The following CMTM8 variants were observed in gnomAD, a reference collection of about 807,000 sequenced individuals.
CMTM8 encodes CKLF like MARVEL transmembrane domain containing 8.
In CMTM8, 12 loss-of-function variants were observed where a neutral mutation model predicts 18.6. The ratio of observed to expected loss-of-function variants is 0.65; its 90% CI spans 0.41 to 1.05. The LOEUF (loss-of-function observed/expected upper bound fraction) is 1.05. CMTM8 is among the 50% of genes least tolerant of loss of function. CMTM8 has a pLI of 0.00. For synonymous variants in CMTM8, 87 were observed against 90.6 expected (o/e 0.96, Z 0.23); for missense variants, 217 against 227.2 (o/e 0.95, Z 0.29).
chr3:32,252,667 T>C (rs1249825291), intron 1 of CMTM8, among the ~76,000 whole-genome samples: 1 of 152,260 alleles, frequency 6.6e-6, no homozygotes, highest in East Asian at 1.9e-4. Flanking sequence ...TTATTTGTGA[T>C]TTATAAGAAA....
intron 1 of CMTM8, among the ~76,000 whole-genome samples, chr3:32,290,823 G>A (rs1176043939): frequency 6.6e-6 from 1 of 152,228 alleles, no homozygotes; most frequent in Non-Finnish European, 1.5e-5. Context: ...TAAGCATCTG[G>A]TTAGACCAAG....
Position 32,253,930 on chromosome 3 carries a change from G to T in CMTM8, c.147+14811G>T, listed in dbSNP as rs186707976. Reference sequence around the variant, plus strand: ...GGGGGGAGGATGGAGTTTCACGCTTGTTGCCCAGGCTGGAGTGCAGTGGCA... The same window carrying T: ...GGGGGGAGGATGGAGTTTCACGCTTTTTGCCCAGGCTGGAGTGCAGTGGCA... On this transcript the variant is annotated intron_variant, in intron 1 of 3. Coordinates refer to ENST00000307526, the MANE Select transcript of CMTM8 (RefSeq NM_178868.5). Among the ~76,000 whole-genome samples, 946 of 151,790 alleles carry T rather than the reference G, an allele frequency of 6.2e-3. 5 individuals are homozygous for T. The highest frequency in any genetic ancestry group is 0.01 in the Middle Eastern group (3 of 290).
At chr3:32,270,674 A>T (rs190226852) in intron 1 of CMTM8, among the ~76,000 whole-genome samples, 1 of 152,288 alleles carries the variant, frequency 6.6e-6, no homozygotes, top group Non-Finnish European at 1.5e-5. Context: ...GAACAGTGAG[A>T]ACACTTGGAC....
chr3:32,290,704 T>G (rs1702765010), intron 1 of CMTM8, among the ~76,000 whole-genome samples: 1 of 152,236 alleles, frequency 6.6e-6, no homozygotes, highest in South Asian at 2.1e-4. Flanking sequence ...CAAGGGCTTC[T>G]GGGTGATTTC....
intron 1 of CMTM8, among the ~76,000 whole-genome samples, chr3:32,295,686 A>G (rs912140729): frequency 6.6e-6 from 1 of 152,018 alleles, no homozygotes; most frequent in Non-Finnish European, 1.5e-5. Context: ...AGAGCCTAGT[A>G]TGATGGAGGA....
chr3:32,319,072 A>ATTTTTTTTTTT (rs1559378745), intron 1 of CMTM8, among the ~76,000 whole-genome samples: 9 of 24,406 alleles, frequency 3.7e-4, no homozygotes, highest in African/African-American at 1.0e-3. Flanking sequence ...ATATATATAT[A>ATTTTTTTTTTT]TATTTTTTTT....
At chr3:32,304,437 T>C (rs780587905) in intron 1 of CMTM8, among the ~76,000 whole-genome samples, 68 of 152,360 alleles carry the variant, frequency 4.5e-4, no homozygotes, top group Admixed American at 4.6e-4. Flanking sequence ...AAAGGAAATG[T>C]ATTCCAGCAG....
Position 32,358,484 on chromosome 3 carries a change from A to T in CMTM8, c.321+938A>T, listed in dbSNP as rs1244609189. Among the ~76,000 whole-genome samples, 1 of 152,260 alleles carries T rather than the reference A, an allele frequency of 6.6e-6. No individual in the cohort carries two copies. The highest frequency in any genetic ancestry group is 1.5e-5 in the Non-Finnish European group (1 of 68,052). On this transcript the variant is annotated intron_variant, in intron 2 of 3. Coordinates refer to ENST00000307526, the MANE Select transcript of CMTM8 (RefSeq NM_178868.5). This position sits in a 1 kb window ranked among gnomAD's most constrained non-coding sequence, Gnocchi z 4.1. ...TCTGTTTTCAACCAATATGTGAGAA[A>T]AAATATTTAGTTCCAAATAACTGAC...
chr3:32,260,342 C>T (rs150284087), intron 1 of CMTM8: 163 of 556,500 alleles, frequency 2.9e-4, no homozygotes, highest in African/African-American at 2.1e-3. Context: ...ATGAACTATA[C>T]GTTAATATTT....
intron 1 of CMTM8, among the ~76,000 whole-genome samples, chr3:32,341,106 G>T (rs1696482504): frequency 1.3e-5 from 2 of 152,362 alleles, no homozygotes; most frequent in Non-Finnish European, 2.9e-5. Context: ...TCACCAAGAT[G>T]CCATGTGAAA....
chr3:32,239,146 G>C (rs760307403), intron 1 of CMTM8, 27 bp downstream of exon 1: 2 of 1,574,224 alleles, frequency 1.3e-6, no homozygotes, highest in Admixed American at 1.8e-5. Context: ...CGGGGGTGGC[G>C]GGGGGCTCAG....
At chr3:32,266,843 A>G (rs1702353715) in intron 1 of CMTM8, among the ~76,000 whole-genome samples, 1 of 152,244 alleles carries the variant, frequency 6.6e-6, no homozygotes, top group Non-Finnish European at 1.5e-5. Context: ...GTGAACTCCC[A>G]TTCATAATTG....
chr3:32,243,423 C>T (rs1158589056), intron 1 of CMTM8, among the ~76,000 whole-genome samples: 1 of 148,956 alleles, frequency 6.7e-6, no homozygotes, highest in Admixed American at 6.7e-5. Context: ...CTCAGCTACT[C>T]GGGAGGCTGA....
At chr3:32,275,407 A>C (rs1042254954) in intron 1 of CMTM8, among the ~76,000 whole-genome samples, 35 of 152,148 alleles carry the variant, frequency 2.3e-4, no homozygotes, top group Admixed American at 6.5e-5. Context: ...TGAAATATTT[A>C]ACATGTTAAA....
At chr3:32,238,319 C>T (rs1701891783), upstream of CMTM8, 1 of 152,396 alleles carries the variant, frequency 6.6e-6, no homozygotes, top group Admixed American at 6.5e-5. Context: ...TCCCTCCGCG[C>T]CGAGTCCTGG....
intron 1 of CMTM8, among the ~76,000 whole-genome samples, chr3:32,310,504 C>T (rs545817587): frequency 2.6e-5 from 4 of 152,200 alleles, no homozygotes; most frequent in African/African-American, 7.2e-5. Flanking sequence ...TAAACTAGGC[C>T]GGACTTAAAA....
chr3:32,327,581 A>G (rs997943036), intron 1 of CMTM8, among the ~76,000 whole-genome samples: 18 of 152,232 alleles, frequency 1.2e-4, no homozygotes, highest in African/African-American at 4.3e-4. Context: ...CTCAGTTGCA[A>G]AATACCAGAT....
chr3:32,292,785 A>T (rs1702802789), intron 1 of CMTM8, among the ~76,000 whole-genome samples: 1 of 152,114 alleles, frequency 6.6e-6, no homozygotes, highest in Admixed American at 6.6e-5. Flanking sequence ...GACCTGAGTC[A>T]TGGTGATCAA....
At chr3:32,289,767 A>G (rs559587985) in intron 1 of CMTM8, among the ~76,000 whole-genome samples, 8 of 152,342 alleles carry the variant, frequency 5.3e-5, no homozygotes, top group African/African-American at 1.2e-4. Flanking sequence ...TCTTATTACC[A>G]TTTATATTCA....
Sources: gnomAD v4.1 joint callset for allele counts (sites outside exome capture counted in the v4.1 genomes callset) on GRCh38, gnomAD v4.1.1 for gene constraint, Gnocchi (gnomAD v3.1) non-coding constraint, MANE v1.5 for transcripts, NCBI Gene and HGNC (gene_info 2026-07-23, HGNC 2026-07-21) for gene names.